EML6: variants seen among roughly 807,000 people sequenced by gnomAD.
The protein encoded by EML6 is echinoderm microtubule-associated protein-like 6.
EML6 carries 154 observed loss-of-function variants against 240.1 expected under a neutral mutation model. The ratio of observed to expected loss-of-function variants is 0.64; its 90% confidence interval spans 0.56 to 0.73. The LOEUF (loss-of-function observed/expected upper bound fraction) is 0.73. Among genes scored for constraint, EML6 ranks in the 30% least tolerant of loss-of-function variants. The probability of loss-of-function intolerance (pLI) is 0.00; values close to 1 mark genes in which losing one functional copy is unlikely to be tolerated. For synonymous variants in EML6, 1,148 were observed against 899.0 expected, an observed-to-expected ratio of 1.28 and a Z score of -4.95; for missense variants, 2,964 against 2,474.6, an observed-to-expected ratio of 1.20 and a Z score of -4.20.
intron 26 of EML6, among the ~76,000 whole-genome samples, chr2:54,919,376 C>T (rs1674104901): frequency 6.6e-6 from 1 of 152,028 alleles, no homozygotes; most frequent in African/African-American, 2.4e-5. Context: ...TACATTTTAA[C>T]CTGAACATAG....
intron 28 of EML6, among the ~76,000 whole-genome samples, chr2:54,942,702 A>G (rs1407649333): frequency 6.6e-6 from 1 of 152,104 alleles, no homozygotes; most frequent in Non-Finnish European, 1.5e-5. Flanking sequence ...AATTCAGCTC[A>G]TGGTCAACTG....
At chr2:54,785,529 T>A (rs1669044104) in intron 2 of EML6, among the ~76,000 whole-genome samples, 1 of 152,146 alleles carries the variant, frequency 6.6e-6, no homozygotes, top group South Asian at 2.1e-4. Flanking sequence ...TTCACCACAA[T>A]AGCAAAGTAC....
At chr2:54,911,678 C>A (rs960218286) in intron 25 of EML6, among the ~76,000 whole-genome samples, 1 of 152,178 alleles carries the variant, frequency 6.6e-6, no homozygotes, top group Non-Finnish European at 1.5e-5. Flanking sequence ...CTCAGGTGAT[C>A]CGCCCACGTC....
intron 35 of EML6, 118 bp downstream of exon 35, chr2:54,960,452 A>G (rs948491300): frequency 8.4e-6 from 6 of 717,828 alleles, no homozygotes; most frequent in Admixed American, 2.2e-5. Flanking sequence ...GCCTCAATAC[A>G]TGAATTGTGC....
intron 2 of EML6, among the ~76,000 whole-genome samples, chr2:54,751,693 A>G (rs1308716825): frequency 6.6e-6 from 1 of 152,212 alleles, no homozygotes; most frequent in Non-Finnish European, 1.5e-5. Context: ...CAGTTTAGAC[A>G]GAACATGTTA....
chr2:54,869,487 G>A (rs1029907283), intron 15 of EML6, 120 bp downstream of exon 15: 20 of 764,468 alleles, frequency 2.6e-5, no homozygotes, highest in Non-Finnish European at 4.2e-5. Flanking sequence ...GGAAGGTGAA[G>A]ATTGAATGAT....
chr2:54,926,316 G>A (rs938482311), intron 26 of EML6, among the ~76,000 whole-genome samples: 1 of 152,166 alleles, frequency 6.6e-6, no homozygotes, highest in African/African-American at 2.4e-5. Flanking sequence ...TGGCCAGGCT[G>A]GTCTTGAACT....
chr2:54,950,819 G>C, intron 30 of EML6, 40 bp downstream of exon 30: 1 of 1,535,850 alleles, frequency 6.5e-7, no homozygotes, highest in Non-Finnish European at 8.8e-7. Flanking sequence ...TCTTTTAGCT[G>C]TTTTTTACAT....
chr2:54,955,803 G>C (rs1039798688), intron 32 of EML6, among the ~76,000 whole-genome samples: 1 of 152,332 alleles, frequency 6.6e-6, no homozygotes, highest in East Asian at 1.9e-4. Flanking sequence ...TTGTGAGCCA[G>C]TGCTGATATG....
intron 26 of EML6, among the ~76,000 whole-genome samples, chr2:54,920,896 A>C (rs1279686637): frequency 6.6e-6 from 1 of 152,150 alleles, no homozygotes; most frequent in African/African-American, 2.4e-5. Context: ...AAAGAGAATA[A>C]AGGATAAAAA....
At chr2:54,925,803 C>T (rs570656250) in intron 26 of EML6, among the ~76,000 whole-genome samples, 1 of 152,300 alleles carries the variant, frequency 6.6e-6, no homozygotes, top group Non-Finnish European at 1.5e-5. Flanking sequence ...GTATGGCCTG[C>T]AGATTGCTTC....
At chr2:54,786,639 T>C (rs1268407380) in intron 2 of EML6, among the ~76,000 whole-genome samples, 1 of 152,232 alleles carries the variant, frequency 6.6e-6, no homozygotes, top group Non-Finnish European at 1.5e-5. Flanking sequence ...TCCATTATAC[T>C]GAGTTTCTGG....
intron 2 of EML6, among the ~76,000 whole-genome samples, chr2:54,741,095 G>A (rs1683609530): frequency 6.6e-6 from 1 of 152,202 alleles, no homozygotes; most frequent in South Asian, 2.1e-4. Context: ...CGATCACAGC[G>A]ATCCAGGCAG....
chr2:54,897,227 T>C (rs925939277), intron 21 of EML6, among the ~76,000 whole-genome samples: 2 of 152,228 alleles, frequency 1.3e-5, no homozygotes, highest in African/African-American at 4.8e-5. Context: ...TTCTCTCTTA[T>C]TTTGTTACAC....
intron 35 of EML6, among the ~76,000 whole-genome samples, 160 bp downstream of exon 35, chr2:54,960,494 T>G (rs1341552128): frequency 6.6e-6 from 1 of 152,064 alleles, no homozygotes; most frequent in Non-Finnish European, 1.5e-5. Context: ...AGAGTCAGAC[T>G]CCCCCAGGAA....
chr2:54,923,700 C>T (rs554216061), intron 26 of EML6, among the ~76,000 whole-genome samples: 1 of 152,172 alleles, frequency 6.6e-6, no homozygotes, highest in East Asian at 1.9e-4. Context: ...TAAGCTTTGA[C>T]AAAAAGCTCA....
rs898898369 is a variant in EML6, at chr2:54,830,117, T to C, written c.847+640T>C. On this transcript the variant is annotated intron_variant, in intron 7 of 41. Coordinates refer to ENST00000356458, the MANE Select transcript of EML6 (RefSeq NM_001039753.4). Reference sequence around the variant, plus strand: ...CACTTAGCACTCAAACTGTTAGCTATTCTCACCATATATAGAGTGTATATA... The same window carrying C: ...CACTTAGCACTCAAACTGTTAGCTACTCTCACCATATATAGAGTGTATATA... Among the ~76,000 whole-genome samples the C allele has an allele frequency of 2.6e-5, 4 of 152,250 alleles. No homozygotes were observed. The East Asian group carries it at 7.7e-4, about 29-fold the overall frequency.
intron 26 of EML6, among the ~76,000 whole-genome samples, chr2:54,924,097 T>C (rs1332007425): frequency 6.6e-6 from 1 of 152,264 alleles, no homozygotes; most frequent in East Asian, 1.9e-4. Context: ...CAAGTCTTTG[T>C]AGACATATGC....
chr2:54,970,270 C>G lies in EML6; in HGVS notation c.*175C>G, dbSNP rs895576358. 4.6e-6 allele frequency: 3 copies of G among 656,862 alleles called. No individual in the cohort carries two copies. Among genetic ancestry groups the G allele is most frequent in the Admixed American group, 2.7e-5 (1 of 37,198 alleles). The allele number at this position is 656,862 out of a possible 1,614,324, so 40.7% of individuals were successfully genotyped here. The stretch of plus-strand genomic sequence containing the variant: ...CAACTGCTCCCATAATCTGGACTCT[C>G]CAAAACCGTGATGCCACGAAGGAAG... On this transcript the variant is annotated 3_prime_UTR_variant, in exon 42 of 42. Transcript: ENST00000356458.
Sources: gnomAD v4.1 joint callset for allele counts (sites outside exome capture counted in the v4.1 genomes callset) on GRCh38, gnomAD v4.1.1 for gene constraint, MANE v1.5 for transcripts, NCBI Gene and HGNC (gene_info 2026-07-23, HGNC 2026-07-21) for gene names.